Variants in RGS11 observed in about 807,000 individuals in gnomAD.
RGS11 encodes regulator of G-protein signaling 11.
A neutral mutation model predicts 71.1 loss-of-function variants in RGS11; 86 were observed. That is an observed-to-expected ratio of 1.21 (90% CI 1.02 to 1.45). The LOEUF (loss-of-function observed/expected upper bound fraction) is 1.45. Ranked by LOEUF, RGS11 falls within the 40% of genes most tolerant of loss-of-function variation. The pLI is 0.00. For synonymous variants in RGS11, 298 were observed against 254.2 expected (o/e 1.17, Z -1.64); for missense variants, 734 against 635.1 (o/e 1.16, Z -1.67).
chr16:269,416 G>T, intron 16 of RGS11, 33 bp from the exon 17 acceptor site: 1 of 1,589,734 alleles, frequency 6.3e-7, no homozygotes, highest in South Asian at 1.1e-5. Context: ...GAACAGGCTG[G>T]CCAGCTGGTG....
At chr16:269,886 G>A (rs570421943) in intron 15 of RGS11, 2 of 346,750 alleles carry the variant, frequency 5.8e-6, no homozygotes, top group African/African-American at 4.2e-5. Flanking sequence ...GGCTCCGTGT[G>A]CCCCACAGAG....
intron 9 of RGS11, 152 bp from the exon 10 acceptor site, chr16:271,721 C>T (rs533495196): frequency 1.4e-6 from 1 of 698,010 alleles, no homozygotes; most frequent in Non-Finnish European, 2.4e-6. Flanking sequence ...CTTGGAGCCC[C>T]TTCTTCCAAT....
rs756762987 is a variant in RGS11, at chr16:271,304, A to T, written c.761T>A (p.Phe254Tyr). The T allele has an allele frequency of 6.2e-7, 1 of 1,612,996 alleles. No homozygotes were observed. The highest frequency in any genetic ancestry group is 1.7e-5 in the Admixed American group (1 of 60,016). Reference protein sequence around the residue: ...SSVCLEAYLSFCGQRGPHDPL... With the variant: ...SSVCLEAYLSYCGQRGPHDPL... ...ATCGTGGGGTCCACGCTGGCCGCAGAAACTCAGGTACCTGGAAGGGGGTAT... is the reference window on the plus strand; with the variant it reads ...ATCGTGGGGTCCACGCTGGCCGCAGTAACTCAGGTACCTGGAAGGGGGTAT... The change falls in exon 12 of 17, where the codon TTC becomes TAC. Residue 254 changes from phenylalanine to tyrosine, a missense_variant. By Grantham distance (22) the Phe-to-Tyr change is conservative. Transcript: ENST00000397770.
chr16:271,428 G>T lies in RGS11; in HGVS notation c.720C>A (p.Thr240=), dbSNP rs776916208. The change falls in exon 11 of 17, where the codon ACC becomes ACA. Residue 240 remains threonine (T), a synonymous_variant. Coordinates refer to ENST00000397770, the MANE Select transcript of RGS11 (RefSeq NM_183337.3). ...CAAGGCAGACGGAGGACTTCACTCG[G>T]GTCCTGCCCAGCGCTTTCCTGAAGT... is the stretch of plus-strand genomic sequence containing the variant. ...IEYFRKALGR[T]RVKSSVCLEA... is the part of the protein sequence containing the mutation. 1.2e-6 allele frequency: 2 copies of T among 1,613,790 alleles called. No homozygotes were observed. The highest frequency in any genetic ancestry group is 2.2e-5 in the South Asian group (2 of 91,086).
chr16:274,892 G>A (rs540456686), intron 4 of RGS11, 84 bp downstream of exon 4: 3 of 1,235,158 alleles, frequency 2.4e-6, no homozygotes, highest in African/African-American at 3.2e-5. Flanking sequence ...CAAGCTCGGC[G>A]CCCCTCCTGT....
chr16:274,337 A>G (rs2052072412), intron 4 of RGS11, 72 bp from the exon 5 acceptor site: 3 of 1,511,384 alleles, frequency 2.0e-6, no homozygotes, highest in South Asian at 2.4e-5. Flanking sequence ...CCACCCTCAG[A>G]CCTCCCTGGG....
At chr16:274,489 C>T (rs1373485423) in intron 4 of RGS11, 3 of 607,318 alleles carry the variant, frequency 4.9e-6, no homozygotes, top group Non-Finnish European at 5.9e-6. Flanking sequence ...CACTGCCTCC[C>T]TCACTGGTCA....
rs1490561516 is a variant in RGS11, at chr16:275,325, C to T, written c.169G>A (p.Val57Ile). The T allele has an allele frequency of 3.1e-6, 5 of 1,612,462 alleles. No homozygotes were observed. The South Asian group carries it at 5.5e-5, about 18-fold the overall frequency. The change falls in exon 3 of 17, where the codon GTC (valine) becomes ATC (isoleucine). Residue 57 changes from valine to isoleucine, a missense_variant. Physicochemically the swap from Val to Ile is conservative, Grantham distance 29. Coordinates refer to ENST00000397770, the MANE Select transcript of RGS11 (RefSeq NM_183337.3). ...AACTTCTGGGCCAACCACTGCACGA[C>T]GTCGCTGCCTGCACGGGAGAGACAG... is the stretch of plus-strand genomic sequence containing the variant. ...VIPHAVTGSD[V>I]VQWLAQKFCV...
Position 275,510 on chromosome 16 carries a change from G to A in RGS11, c.64-12C>T, listed in dbSNP as rs1470040925. 4 of 1,548,534 alleles carry A rather than the reference G, an allele frequency of 2.6e-6. No homozygotes were observed. ...ACCACCCGCTCCATCTGGGCGGAGG[G>A]AGTCGTCAGGGGGTGTCTGGCCGCC... On this transcript the variant is annotated splice_polypyrimidine_tract_variant and intron_variant, in intron 1 of 16. Transcript: ENST00000397770.
chr16:273,972 G>C (rs573214122), intron 6 of RGS11, 71 bp downstream of exon 6: 5 of 1,482,452 alleles, frequency 3.4e-6, no homozygotes, highest in East Asian at 2.4e-5. Context: ...GTGAAGCCCC[G>C]GGGGGCCGTG....
At chr16:275,574 G>A (rs1596921346) in intron 1 of RGS11, 76 bp from the exon 2 acceptor site, 13 of 1,260,946 alleles carry the variant, frequency 1.0e-5, no homozygotes, top group Non-Finnish European at 1.3e-5. Flanking sequence ...GGGATGCCCC[G>A]GATCCGGGAG....
At chr16:272,955 G>A in intron 8 of RGS11, 24 bp from the exon 9 acceptor site, 1 of 1,477,556 alleles carries the variant, frequency 6.8e-7, no homozygotes, top group Non-Finnish European at 9.0e-7. Context: ...ACGAGATGAG[G>A]TGGGGATGCA....
At position 275,930 on chromosome 16, in the gene RGS11, GC is replaced by G; in HGVS notation, c.-20del. 3.9e-6 allele frequency: 2 copies of G among 514,686 alleles called. No individual in the cohort carries two copies. The highest frequency in any genetic ancestry group is 4.5e-6 in the Non-Finnish European group (2 of 444,240). The allele number at this position is 514,686 out of a possible 1,614,324, so 31.9% of individuals were successfully genotyped here. ...CGGCCATGGCTGCGGGGCGAGGCCG[GC>G]GGGGATGACCGACGTCCCGCCCGGC... On this transcript the variant is annotated 5_prime_UTR_variant, in exon 1 of 17. Transcript: ENST00000397770.
In RGS11 at chr16:272,921, G is replaced by A. The variant is rs929148056; in HGVS notation, c.599C>T (p.Pro200Leu). The A allele has an allele frequency of 2.1e-5, 32 of 1,518,366 alleles. No homozygotes were observed. The highest frequency in any genetic ancestry group is 2.7e-5 in the Non-Finnish European group (31 of 1,128,508). 94.1% of individuals were successfully genotyped at this position (1,518,366 alleles called of 1,614,324 possible). Residue 200 changes from proline (P) to leucine (L), a missense_variant, in exon 9 of 17, where the codon CCC becomes CTC. Coordinates refer to ENST00000397770, the MANE Select transcript of RGS11 (RefSeq NM_183337.3). ...CCCTGGACCCTGCTCCAGCACATCG[G>A]GGGCCCCGGGCTGCGGAGGGGAGAC... ...WLVNRPPPGA[P>L]DVLEQGPGRG...
Position 273,847 on chromosome 16 carries a change from C to G in RGS11, c.430-11G>C. ...CCGGTCATAGCAGTCCTGGGGGCAG[C>G]GAGGTTTCCAGTGGGTCACCCCGGC... On this transcript the variant is annotated splice_polypyrimidine_tract_variant and intron_variant, in intron 6 of 16. Coordinates refer to ENST00000397770, the MANE Select transcript of RGS11 (RefSeq NM_183337.3). 2 of 1,613,014 alleles carry G rather than the reference C, an allele frequency of 1.2e-6. No homozygotes were observed. The highest frequency in any genetic ancestry group is 1.7e-6 in the Non-Finnish European group (2 of 1,179,676).
chr16:271,328 A>G lies in RGS11; in HGVS notation c.750-13T>C. The G allele has an allele frequency of 1.2e-6, 2 of 1,612,582 alleles. No homozygotes were observed. The highest frequency in any genetic ancestry group is 1.1e-5 in the South Asian group (1 of 91,062). On this transcript the variant is annotated splice_polypyrimidine_tract_variant and intron_variant, in intron 11 of 16. Transcript: ENST00000397770. ...GAAACTCAGGTACCTGGAAGGGGGT[A>G]TGGGGGCTGGTGCAGGAGGGGCCTC...
chr16:275,628 T>C, intron 1 of RGS11, 130 bp from the exon 2 acceptor site: 1 of 782,750 alleles, frequency 1.3e-6, no homozygotes, highest in Non-Finnish European at 1.9e-6. Flanking sequence ...AGGCCGCAGC[T>C]GGCGGCGGGG....
intron 4 of RGS11, 173 bp downstream of exon 4, chr16:274,795 ATCCGTACT>A (rs1196904033): frequency 1.2e-6 from 1 of 843,578 alleles, no homozygotes; most frequent in African/African-American, 1.7e-5. Flanking sequence ...TTCTCACCAC[ATCCGTACT>A]TGCGGTCCAG....
In RGS11 at chr16:269,093, G is replaced by T; in HGVS notation, c.*176C>A. ...GGACCCATTCCTTCTGGGCAGGGAG[G>T]GCTTGCTGGAGGGAGGGAGGCTGTG... On this transcript the variant is annotated 3_prime_UTR_variant, in exon 17 of 17. Coordinates refer to ENST00000397770, the MANE Select transcript of RGS11 (RefSeq NM_183337.3). 1 of 937,870 alleles carries T rather than the reference G, an allele frequency of 1.1e-6. No homozygotes were observed. Among genetic ancestry groups the T allele is most frequent in the Non-Finnish European group, 1.7e-6 (1 of 590,824 alleles). 58.1% of individuals were successfully genotyped at this position (937,870 alleles called of 1,614,324 possible). A position where few individuals can be genotyped will look rare whatever the true frequency, so the allele number is the denominator to read the frequency against.
Sources: gnomAD v4.1 joint callset for allele counts on GRCh38, gnomAD v4.1.1 for gene constraint, MANE v1.5 for transcripts, NCBI Gene and HGNC (gene_info 2026-07-23, HGNC 2026-07-21) for gene names.